The following SEMA4D variants were observed in gnomAD, a reference collection of about 807,000 sequenced individuals.
SEMA4D encodes the protein semaphorin-4D.
SEMA4D carries 22 observed loss-of-function variants against 74.8 expected under a neutral mutation model. The ratio of observed to expected loss-of-function variants is 0.29; its 90% CI spans 0.21 to 0.42. SEMA4D has a LOEUF of 0.42. Among genes scored for constraint, SEMA4D ranks in the 10% least tolerant of loss-of-function variants. SEMA4D has a pLI of 1.00. For missense variants in SEMA4D, 937 were observed against 1,118.4 expected (o/e 0.84, Z 2.31); for synonymous variants, 445 against 463.7 (o/e 0.96, Z 0.52).
intron 7 of SEMA4D, 62 bp from the exon 8 acceptor site, chr9:89,392,598 C>A: frequency 3.0e-6 from 3 of 991,580 alleles, no homozygotes; most frequent in Non-Finnish European, 4.9e-6. Context: ...GGCACCAACA[C>A]TGGGACAAAC....
intron 2 of SEMA4D, among the ~76,000 whole-genome samples, chr9:89,409,498 G>A (rs989516827): frequency 9.9e-5 from 15 of 152,216 alleles, no homozygotes; most frequent in African/African-American, 3.6e-4. Flanking sequence ...CTGTGCATGT[G>A]TGGGGAAGGA....
At chr9:89,419,811 G>T (rs1301762426) in intron 2 of SEMA4D, among the ~76,000 whole-genome samples, 2 of 152,088 alleles carry the variant, frequency 1.3e-5, no homozygotes, top group African/African-American at 4.8e-5. Flanking sequence ...CAGCTACTTG[G>T]GAGGCTGAGG....
At chr9:89,440,352 C>T (rs1010544984) in intron 2 of SEMA4D, among the ~76,000 whole-genome samples, 2 of 152,154 alleles carry the variant, frequency 1.3e-5, no homozygotes, top group Non-Finnish European at 2.9e-5. Context: ...ATGAGTATCT[C>T]GAAACTCCAA....
intron 9 of SEMA4D, among the ~76,000 whole-genome samples, chr9:89,390,421 G>A (rs894019474): frequency 2.6e-5 from 4 of 152,202 alleles, no homozygotes; most frequent in African/African-American, 9.7e-5. Context: ...CGGAAGGCCT[G>A]GGCAGGGAGC....
intron 1 of SEMA4D, among the ~76,000 whole-genome samples, chr9:89,457,813 T>A (rs1388902530): frequency 6.6e-6 from 1 of 151,500 alleles, no homozygotes; most frequent in African/African-American, 2.4e-5. Context: ...GGTGGGTGGA[T>A]CACTAGTTAG....
At chr9:89,372,152 C>T (rs948717018) in intron 16 of SEMA4D, among the ~76,000 whole-genome samples, 6 of 18,318 alleles carry the variant, frequency 3.3e-4, no homozygotes, top group African/African-American at 1.2e-3. Context: ...TGGTGTGTGT[C>T]GGGTGTGTGT....
intron 1 of SEMA4D, among the ~76,000 whole-genome samples, chr9:89,486,352 G>T (rs1460395545): frequency 1.3e-5 from 2 of 152,170 alleles, no homozygotes; most frequent in Non-Finnish European, 1.5e-5. Flanking sequence ...AGGGGCACAA[G>T]ACGGAATTTT....
intron 1 of SEMA4D, among the ~76,000 whole-genome samples, chr9:89,463,532 G>A (rs1333418592): frequency 5.3e-5 from 8 of 152,114 alleles, no homozygotes; most frequent in Admixed American, 5.2e-4. Flanking sequence ...GCCCTTTTTC[G>A]CTGCTGCTTT....
chr9:89,438,894 T>G (rs1033666779), intron 2 of SEMA4D, among the ~76,000 whole-genome samples: 3 of 148,694 alleles, frequency 2.0e-5, no homozygotes, highest in African/African-American at 7.4e-5. Context: ...CTCAGTCTCC[T>G]GACCTCGTGA....
At chr9:89,447,387 C>T (rs4074431) in intron 2 of SEMA4D, among the ~76,000 whole-genome samples, 31,625 of 151,764 alleles carry the variant, frequency 0.21, 3,576 homozygotes, top group Non-Finnish European at 0.25. Context: ...CCCCAAACCA[C>T]GCTCCTCACC....
chr9:89,416,485 G>A (rs1845739075), intron 2 of SEMA4D, among the ~76,000 whole-genome samples: 1 of 152,148 alleles, frequency 6.6e-6, no homozygotes, highest in Non-Finnish European at 1.5e-5. Context: ...ACCCACCTGT[G>A]TCAACAGAGG....
At position 89,390,022 on chromosome 9, in the gene SEMA4D, A is replaced by G. The variant is rs116155244; in HGVS notation, c.775-975T>C. On this transcript the variant is annotated intron_variant, in intron 9 of 15. Coordinates refer to ENST00000422704, the MANE Select transcript of SEMA4D (RefSeq NM_001371194.2). ...GGGGAAAAAAAAGGGATCAGAGGGGATGACAGCAGTGTGCCTAAGACTTGT... is the reference window on the plus strand; with the variant it reads ...GGGGAAAAAAAAGGGATCAGAGGGGGTGACAGCAGTGTGCCTAAGACTTGT... Among the ~76,000 whole-genome samples, 749 of 152,282 alleles carry G rather than the reference A, an allele frequency of 4.9e-3. 4 individuals carry two copies. The highest frequency in any genetic ancestry group is 0.017 in the African/African-American group (698 of 41,546).
intron 2 of SEMA4D, among the ~76,000 whole-genome samples, chr9:89,434,646 A>G (rs1179080513): frequency 2.0e-5 from 3 of 152,250 alleles, no homozygotes; most frequent in Non-Finnish European, 4.4e-5. Context: ...AAAATCCAGG[A>G]GAATTTTCCT....
intron 1 of SEMA4D, among the ~76,000 whole-genome samples, chr9:89,464,836 G>A (rs1359557691): frequency 6.6e-6 from 1 of 151,974 alleles, no homozygotes; most frequent in Non-Finnish European, 1.5e-5. Flanking sequence ...TGTGGGGGGA[G>A]GGTGCGGAGA....
At chr9:89,430,307 A>G (rs890952554) in intron 2 of SEMA4D, among the ~76,000 whole-genome samples, 1 of 152,060 alleles carries the variant, frequency 6.6e-6, no homozygotes, top group African/African-American at 2.4e-5. Context: ...CAGCTCCCCA[A>G]CCACATACAC....
downstream of SEMA4D, among the ~76,000 whole-genome samples, chr9:89,374,089 A>G (rs939636931): frequency 3.9e-5 from 6 of 152,236 alleles, no homozygotes; most frequent in African/African-American, 1.4e-4. Context: ...CTGTGGCCTC[A>G]GTGGAACAAG....
At chr9:89,400,793 T>G (rs574056543) in intron 4 of SEMA4D, among the ~76,000 whole-genome samples, 2 of 152,210 alleles carry the variant, frequency 1.3e-5, no homozygotes, top group African/African-American at 4.8e-5. Flanking sequence ...TTTTTTTCTT[T>G]TAAGTATAAG....
Position 89,378,040 on chromosome 9 carries a change from A to G in SEMA4D, c.*664T>C, listed in dbSNP as rs1457085083. 9 of 152,578 alleles carry G rather than the reference A, an allele frequency of 5.9e-5. No homozygotes were observed. The highest frequency in any genetic ancestry group is 1.5e-5 in the Non-Finnish European group (1 of 68,014). The allele number at this position is 152,578 out of a possible 1,614,324, so 9.5% of individuals were successfully genotyped here. A position where few individuals can be genotyped will look rare whatever the true frequency, so the allele number is the denominator to read the frequency against. On this transcript the variant is annotated 3_prime_UTR_variant, in exon 16 of 16. Coordinates refer to ENST00000422704, the MANE Select transcript of SEMA4D (RefSeq NM_001371194.2). ...TGTTTATGTCTACATTTCTAAAAGC[A>G]GAAAGAATGCATTTAGCAAAAGGAA... is the stretch of plus-strand genomic sequence containing the variant.
At chr9:89,462,506 G>A (rs1473956679) in intron 1 of SEMA4D, among the ~76,000 whole-genome samples, 1 of 152,186 alleles carries the variant, frequency 6.6e-6, no homozygotes, top group East Asian at 1.9e-4. Context: ...ACCCACTTAA[G>A]GAGAGCTGTG....
Sources: gnomAD v4.1 joint callset for allele counts (sites outside exome capture counted in the v4.1 genomes callset) on GRCh38, gnomAD v4.1.1 for gene constraint, MANE v1.5 for transcripts, NCBI Gene and HGNC (gene_info 2026-07-23, HGNC 2026-07-21) for gene names.